The following CHP1 variants were observed in gnomAD, a reference collection of about 807,000 sequenced individuals.
CHP1 encodes the protein calcineurin like EF-hand protein 1.
CHP1 carries 11 observed loss-of-function variants against 27.4 expected under a neutral mutation model. The observed-to-expected ratio is 0.40, with a 90% CI of 0.25 to 0.67. The LOEUF (loss-of-function observed/expected upper bound fraction) is 0.67. Among genes scored for constraint, CHP1 ranks in the 30% least tolerant of loss-of-function variants. The probability of loss-of-function intolerance (pLI) is 0.38; values close to 1 mark genes in which losing one functional copy is unlikely to be tolerated. For missense variants in CHP1, 169 were observed against 251.3 expected (o/e 0.67, Z 2.22); for synonymous variants, 89 against 87.4 (o/e 1.02, Z -0.10).
At chr15:41,279,102 T>C (rs549455965) in intron 6 of CHP1, among the ~76,000 whole-genome samples, 21 of 151,956 alleles carry the variant, frequency 1.4e-4, no homozygotes, top group Admixed American at 1.2e-3. Flanking sequence ...TCCCAGCTAC[T>C]TGGGAGGCTG....
At chr15:41,278,554 T>A (rs1187829243) in intron 5 of CHP1, among the ~76,000 whole-genome samples, 1 of 152,154 alleles carries the variant, frequency 6.6e-6, no homozygotes, top group Non-Finnish European at 1.5e-5. Flanking sequence ...CCTTTTTGTG[T>A]CTATGTGTTC....
intron 2 of CHP1, among the ~76,000 whole-genome samples, chr15:41,250,052 A>G (rs2047357494): frequency 6.6e-6 from 1 of 151,380 alleles, no homozygotes; most frequent in Non-Finnish European, 1.5e-5. Context: ...CATGCTTTAT[A>G]GAACAGTCAT....
chr15:41,235,176 T>C (rs7166556), intron 1 of CHP1, among the ~76,000 whole-genome samples: 20,510 of 152,160 alleles, frequency 0.13, 1,615 homozygotes, highest in South Asian at 0.27. Flanking sequence ...TCTGTAATCA[T>C]CACCCTTAAT....
At chr15:41,256,521 A>G (rs562685887) in intron 2 of CHP1, among the ~76,000 whole-genome samples, 30 of 152,330 alleles carry the variant, frequency 2.0e-4, no homozygotes, top group African/African-American at 6.7e-4. Context: ...GTTTGTCCCC[A>G]TATTCAAGTT....
intron 3 of CHP1, among the ~76,000 whole-genome samples, chr15:41,259,101 T>C (rs1229799255): frequency 6.6e-6 from 1 of 152,230 alleles, no homozygotes; most frequent in African/African-American, 2.4e-5. Context: ...GTTTTTATGC[T>C]GAATTCTTCC....
At chr15:41,265,710 C>CA (rs143866388) in intron 4 of CHP1, among the ~76,000 whole-genome samples, 32,515 of 121,380 alleles carry the variant, frequency 0.27, 3,690 homozygotes, top group African/African-American at 0.29. Context: ...AACTCCATCT[C>CA]AAAAAAAAAA....
At chr15:41,257,933 C>T (rs1020230440) in intron 3 of CHP1, among the ~76,000 whole-genome samples, 1 of 152,112 alleles carries the variant, frequency 6.6e-6, no homozygotes, top group African/African-American at 2.4e-5. Flanking sequence ...TCAGACTGAC[C>T]ATGTTTTCAG....
rs186594164 is a variant in CHP1, at chr15:41,241,243, G to A, written c.68-2424G>A. On this transcript the variant is annotated intron_variant, in intron 1 of 6. Coordinates refer to ENST00000334660, the MANE Select transcript of CHP1 (RefSeq NM_007236.5). Reference sequence around the variant, plus strand: ...CCTTTGAGGCCTGAGGCCAGAACTGGGATAGACTGGTCAAGTTCTTAAAGA... The same window carrying A: ...CCTTTGAGGCCTGAGGCCAGAACTGAGATAGACTGGTCAAGTTCTTAAAGA... 3.9e-5 allele frequency among the ~76,000 whole-genome samples: 6 copies of A among 152,342 alleles called. 1 individual carries two copies. Among genetic ancestry groups the A allele is most frequent in the African/African-American group, 1.4e-4 (6 of 41,580 alleles).
chr15:41,244,426 T>C (rs2164996), intron 2 of CHP1, among the ~76,000 whole-genome samples: 78,577 of 151,876 alleles, frequency 0.52, 22,262 homozygotes, highest in African/African-American at 0.76. Context: ...TTTGTCTTCT[T>C]TTATTTACCA....
rs139310023 is a variant in CHP1 at position 41,249,764 on chromosome 15, G to A, written c.140+6025G>A. Among the ~76,000 whole-genome samples the A allele has an allele frequency of 2.4e-3, 367 of 151,764 alleles. 2 individuals are homozygous for A. The highest frequency in any genetic ancestry group is 8.6e-3 in the African/African-American group (354 of 41,396). On this transcript the variant is annotated intron_variant, in intron 2 of 6. Coordinates refer to ENST00000334660, the MANE Select transcript of CHP1 (RefSeq NM_007236.5). The stretch of plus-strand genomic sequence containing the variant: ...TAAGATTACAGGCGTAAGCCACTGC[G>A]CCCGGCCTCGCCTTCACCTTAAGAA...
At position 41,250,199 on chromosome 15, in the gene CHP1, A is replaced by G. The variant is rs145891018; in HGVS notation, c.140+6460A>G. ...CTAGATTTCACCACATCTTTAATTT[A>G]CCTGGGTGAATTGGGAACATTCAAG... On this transcript the variant is annotated intron_variant, in intron 2 of 6. Coordinates refer to ENST00000334660, the MANE Select transcript of CHP1 (RefSeq NM_007236.5). 4.9e-4 allele frequency among the ~76,000 whole-genome samples: 74 copies of G among 152,198 alleles called. 1 individual carries two copies. The highest frequency in any genetic ancestry group is 1.7e-3 in the African/African-American group (71 of 41,522).
At chr15:41,244,542 T>TG (rs2047323960) in intron 2 of CHP1, among the ~76,000 whole-genome samples, 2 of 152,168 alleles carry the variant, frequency 1.3e-5, no homozygotes. Context: ...TTTTGCCACC[T>TG]GGGGCAAAAT....
intron 1 of CHP1, among the ~76,000 whole-genome samples, chr15:41,233,328 CA>C (rs34577200): frequency 6.6e-6 from 1 of 152,054 alleles, no homozygotes; most frequent in African/African-American, 2.4e-5. Context: ...AGTGAAGATG[CA>C]AAAAGCCATT....
intron 4 of CHP1, among the ~76,000 whole-genome samples, chr15:41,267,925 C>G (rs2047469814): frequency 8.6e-6 from 1 of 116,136 alleles, no homozygotes; most frequent in Non-Finnish European, 1.6e-5. Flanking sequence ...GAGGCCCTAT[C>G]TCTTAAAAAA....
chr15:41,263,172 A>G (rs1475183823), intron 4 of CHP1, among the ~76,000 whole-genome samples: 2 of 152,252 alleles, frequency 1.3e-5, no homozygotes, highest in African/African-American at 4.8e-5. Context: ...ATAAATGTCA[A>G]GTGCTTCACA....
chr15:41,239,432 C>G (rs573955816), intron 1 of CHP1, among the ~76,000 whole-genome samples: 1 of 151,842 alleles, frequency 6.6e-6, no homozygotes, highest in African/African-American at 2.4e-5. Flanking sequence ...GAGGCGGAGT[C>G]TCACTCTGTC....
At chr15:41,256,030 A>G (rs1380333966) in intron 2 of CHP1, among the ~76,000 whole-genome samples, 1 of 152,172 alleles carries the variant, frequency 6.6e-6, no homozygotes, top group African/African-American at 2.4e-5. Flanking sequence ...AAAAAGTTCA[A>G]TATAGGAAAG....
At chr15:41,245,443 T>C (rs2047329657) in intron 2 of CHP1, among the ~76,000 whole-genome samples, 1 of 152,234 alleles carries the variant, frequency 6.6e-6, no homozygotes, top group South Asian at 2.1e-4. Context: ...ATTGTGCTGC[T>C]GTATTCCAGC....
At chr15:41,253,331 A>G (rs2047380235) in intron 2 of CHP1, among the ~76,000 whole-genome samples, 1 of 151,986 alleles carries the variant, frequency 6.6e-6, no homozygotes, top group Non-Finnish European at 1.5e-5. Flanking sequence ...TGAGAATCTA[A>G]GTTTTAGAGA....
Sources: gnomAD v4.1 joint callset for allele counts (sites outside exome capture counted in the v4.1 genomes callset) on GRCh38, gnomAD v4.1.1 for gene constraint, MANE v1.5 for transcripts, NCBI Gene and HGNC (gene_info 2026-07-23, HGNC 2026-07-21) for gene names.